Variants in TMCO5A observed in about 807,000 individuals in gnomAD.
The protein encoded by TMCO5A is transmembrane and coiled-coil domains 5A.
TMCO5A carries 34 observed loss-of-function variants against 42.3 expected under a neutral mutation model. The observed-to-expected ratio is 0.80, with a 90% CI of 0.61 to 1.07. The LOEUF (loss-of-function observed/expected upper bound fraction) is 1.07. TMCO5A is among the 50% of genes least tolerant of loss of function. The probability of loss-of-function intolerance (pLI) is 0.00; values close to 1 mark genes in which losing one functional copy is unlikely to be tolerated. For synonymous variants in TMCO5A, 131 were observed against 115.6 expected (o/e 1.13, Z -0.86); for missense variants, 357 against 327.9 (o/e 1.09, Z -0.69).
At chr15:37,955,601 C>G (rs968606554), downstream of TMCO5A, among the ~76,000 whole-genome samples, 1 of 152,088 alleles carries the variant, frequency 6.6e-6, no homozygotes, top group African/African-American at 2.4e-5. Flanking sequence ...AAAGCAAGTT[C>G]TCAGAGACCT....
exon 12 of TMCO5A, chr15:37,967,104 T>C (rs114329305): frequency 1.2e-5 from 2 of 160,004 alleles, no homozygotes; most frequent in Non-Finnish European, 2.7e-5. Flanking sequence ...TTAAGAACCA[T>C]GTAAATAATC....
At chr15:38,020,476 C>G in the TMCO5A span, 1 of 152,056 alleles carries the variant, frequency 6.6e-6, no homozygotes, top group African/African-American at 2.4e-5. Context: ...AGAAGCAAGC[C>G]GGCTGAAGTT....
chr15:37,993,973 T>C, the TMCO5A span, among the ~76,000 whole-genome samples: 1 of 152,258 alleles, frequency 6.6e-6, no homozygotes, highest in African/African-American at 2.4e-5. Context: ...GTGCAGTTGT[T>C]GTCTAGGTAG....
chr15:37,949,205 G>A (rs1453260917), intron 11 of TMCO5A, among the ~76,000 whole-genome samples: 1 of 151,916 alleles, frequency 6.6e-6, no homozygotes, highest in Admixed American at 6.6e-5. Flanking sequence ...AAATGTTACA[G>A]ATAACATGAA....
At chr15:38,021,833 T>C in the TMCO5A span, among the ~76,000 whole-genome samples, 4 of 149,934 alleles carry the variant, frequency 2.7e-5, no homozygotes, top group African/African-American at 4.9e-5. Context: ...TTTTTTGAGA[T>C]GGAGTCTCAC....
At chr15:38,006,779 G>A in the TMCO5A span, among the ~76,000 whole-genome samples, 1 of 151,538 alleles carries the variant, frequency 6.6e-6, no homozygotes, top group East Asian at 1.9e-4. Context: ...TCTAAAGCAG[G>A]GATTAGCAAA....
the TMCO5A span, among the ~76,000 whole-genome samples, chr15:37,984,196 T>A: frequency 5.4e-4 from 83 of 152,358 alleles, no homozygotes; most frequent in African/African-American, 1.9e-3. Context: ...TGAAGCTTTT[T>A]TTAGCAAAGC....
chr15:37,955,193 A>G (rs1890254644), downstream of TMCO5A, among the ~76,000 whole-genome samples: 1 of 151,782 alleles, frequency 6.6e-6, no homozygotes, highest in Admixed American at 6.6e-5. Context: ...TCTGTTGCCT[A>G]AAAGAAACAC....
chr15:37,995,006 T>C, the TMCO5A span, among the ~76,000 whole-genome samples: 3 of 152,182 alleles, frequency 2.0e-5, no homozygotes, highest in Non-Finnish European at 4.4e-5. Flanking sequence ...GCTAGGGAAC[T>C]GTGCAAAGGA....
At chr15:37,963,182 T>G (rs141558163) in intron 11 of TMCO5A, among the ~76,000 whole-genome samples, 1 of 152,184 alleles carries the variant, frequency 6.6e-6, no homozygotes, top group African/African-American at 2.4e-5. Context: ...TTGATGTAGG[T>G]GTTCAGGGCT....
At chr15:38,001,652 G>T in the TMCO5A span, among the ~76,000 whole-genome samples, 1 of 151,312 alleles carries the variant, frequency 6.6e-6, no homozygotes, top group Non-Finnish European at 1.5e-5. Context: ...CTTGCTTTTT[G>T]TTTTGGTACA....
At chr15:37,975,373 T>C in the TMCO5A span, among the ~76,000 whole-genome samples, 2 of 152,102 alleles carry the variant, frequency 1.3e-5, no homozygotes, top group African/African-American at 4.8e-5. Context: ...GTTATCTAAG[T>C]CTCTTTGTAG....
chr15:37,943,353 G>A lies in TMCO5A; in HGVS notation c.582G>A (p.Val194=), dbSNP rs1480973627. The A allele has an allele frequency of 6.2e-7, 1 of 1,612,252 alleles. No individual in the cohort carries two copies. Among genetic ancestry groups the A allele is most frequent in the South Asian group, 1.1e-5 (1 of 91,000 alleles). Reference sequence around the variant, plus strand: ...GTTATCTTCATAGATCAAAACTCGTGAGCATGAACCCTGTGGAAAAAGAGC... The same window carrying A: ...GTTATCTTCATAGATCAAAACTCGTAAGCATGAACCCTGTGGAAAAAGAGC... The part of the protein sequence containing the change: ...LFLEREVSKL[V]SMNPVEKEHT... The change falls in exon 10 of 12, where the codon GTG becomes GTA. Residue 194 remains valine (V), a synonymous_variant. Transcript: ENST00000319669.
downstream of TMCO5A, chr15:37,967,839 A>T (rs946337805): frequency 2.6e-5 from 4 of 152,188 alleles, no homozygotes; most frequent in Non-Finnish European, 4.4e-5. Context: ...TAGCATTCAC[A>T]CCAGCCAGGA....
intron 10 of TMCO5A, 110 bp from the exon 11 acceptor site, chr15:37,947,546 T>A: frequency 1.4e-6 from 1 of 735,476 alleles, no homozygotes; most frequent in Non-Finnish European, 2.3e-6. Flanking sequence ...ATAAAAAGAA[T>A]TTGTTAAAGT....
intron 11 of TMCO5A, among the ~76,000 whole-genome samples, chr15:37,964,522 T>C (rs1410039336): frequency 6.6e-6 from 1 of 152,050 alleles, no homozygotes; most frequent in African/African-American, 2.4e-5. Flanking sequence ...CTCTGCATGC[T>C]TCTCTCCCTG....
the TMCO5A span, among the ~76,000 whole-genome samples, chr15:38,010,281 CAGG>C: frequency 1.4e-5 from 2 of 147,698 alleles, no homozygotes; most frequent in African/African-American, 5.0e-5. Flanking sequence ...GAGGCTGAGG[CAGG>C]AGAATGGCGT....
the TMCO5A span, chr15:37,994,514 G>A: frequency 2.0e-5 from 3 of 152,158 alleles, no homozygotes; most frequent in African/African-American, 7.2e-5. Flanking sequence ...CTAAATATAC[G>A]ACTTGATAGT....
At chr15:38,025,819 A>T in the TMCO5A span, among the ~76,000 whole-genome samples, 5 of 152,316 alleles carry the variant, frequency 3.3e-5, no homozygotes, top group Non-Finnish European at 5.9e-5. Context: ...AAACAATTTG[A>T]ATCATGGGGG....
Sources: gnomAD v4.1 joint callset for allele counts (sites outside exome capture counted in the v4.1 genomes callset) on GRCh38, gnomAD v4.1.1 for gene constraint, MANE v1.5 for transcripts, NCBI Gene and HGNC (gene_info 2026-07-23, HGNC 2026-07-21) for gene names.